Variants in COG4 observed in about 807,000 individuals in gnomAD.
COG4 encodes the protein conserved oligomeric Golgi complex subunit 4.
Under a neutral mutation model 95.1 loss-of-function variants are expected in COG4, and 65 were observed. The observed-to-expected ratio is 0.68, with a 90% CI of 0.56 to 0.84. The LOEUF (loss-of-function observed/expected upper bound fraction) is 0.84, where lower values mean the gene tolerates loss of function less well. Ranked by LOEUF, COG4 falls within the 40% of genes least tolerant of loss-of-function variation. COG4 has a pLI of 0.00. For synonymous variants in COG4, 421 were observed against 374.8 expected (o/e 1.12, Z -1.42); for missense variants, 1,045 against 989.1 (o/e 1.06, Z -0.76).
At chr16:70,510,114 C>CT (rs2049669111) in intron 5 of COG4, 93 bp from the exon 6 acceptor site, 46 of 1,041,688 alleles carry the variant, frequency 4.4e-5, no homozygotes, top group Non-Finnish European at 6.2e-5. Flanking sequence ...CATTGACTTT[C>CT]TTTTTTTTCA....
At chr16:70,485,933 T>C (rs1416024013) in intron 13 of COG4, among the ~76,000 whole-genome samples, 1 of 148,444 alleles carries the variant, frequency 6.7e-6, no homozygotes, top group Non-Finnish European at 1.5e-5. Flanking sequence ...TCTTGCTCTA[T>C]AACCCAGGCT....
At chr16:70,517,396 C>T (rs368132175) in intron 3 of COG4, among the ~76,000 whole-genome samples, 28 of 151,148 alleles carry the variant, frequency 1.9e-4, no homozygotes, top group African/African-American at 5.8e-4. Context: ...AGGACCAGCC[C>T]GGGGAACATG....
chr16:70,517,587 CAAAAA>C (rs746781437), intron 3 of COG4, 34 bp downstream of exon 3: 1,429 of 506,180 alleles, frequency 2.8e-3, no homozygotes, highest in East Asian at 4.9e-3. Flanking sequence ...GACCCTGTCT[CAAAAA>C]AAAAAAAAAA....
In COG4 at chr16:70,510,030, G is replaced by A. The variant is rs16970243; in HGVS notation, c.739-9C>T. On this transcript the variant is annotated splice_polypyrimidine_tract_variant and intron_variant, in intron 5 of 18. Coordinates refer to ENST00000323786, the MANE Select transcript of COG4 (RefSeq NM_015386.3). ...TCAGCTTTACTGGCCACCTAAAAAA[G>A]GAGAAAACCCACACACATTCCTCAG... 1.2e-6 allele frequency: 2 copies of A among 1,609,714 alleles called. No individual in the cohort carries two copies. Among genetic ancestry groups the A allele is most frequent in the Non-Finnish European group, 1.7e-6 (2 of 1,176,268 alleles).
rs6416698 is a variant in COG4, at chr16:70,481,697, T to G, written c.2106+67A>C. ...ACAGAGGGGATGCAAGTCCTGGGGG[T>G]GGTGGCATGACATGTCTTCCTCAGA... On this transcript the variant is annotated intron_variant, in intron 17 of 18. Coordinates refer to ENST00000323786, the MANE Select transcript of COG4 (RefSeq NM_015386.3). 842,354 of 1,393,252 alleles carry G rather than the reference T, an allele frequency of 0.6. 257,301 individuals carry two copies. Among genetic ancestry groups the G allele is most frequent in the African/African-American group, 0.76 (53,687 of 70,364 alleles). 86.3% of individuals were successfully genotyped at this position (1,393,252 alleles called of 1,614,324 possible). A position where few individuals can be genotyped will look rare whatever the true frequency, so the allele number is the denominator to read the frequency against.
At chr16:70,484,761 T>A (rs980757428) in intron 13 of COG4, among the ~76,000 whole-genome samples, 5 of 152,124 alleles carry the variant, frequency 3.3e-5, no homozygotes, top group African/African-American at 1.2e-4. Flanking sequence ...TAGCTGGATG[T>A]AGTGGTGCGC....
intron 8 of COG4, among the ~76,000 whole-genome samples, chr16:70,503,390 CAT>C (rs1278812370): frequency 6.6e-6 from 1 of 152,112 alleles, no homozygotes; most frequent in East Asian, 1.9e-4. Context: ...CTGGTCATAT[CAT>C]ATAGTTTCCA....
At chr16:70,512,179 T>C (rs2049720004) in intron 5 of COG4, 60 bp downstream of exon 5, 1 of 1,488,352 alleles carries the variant, frequency 6.7e-7, no homozygotes, top group Non-Finnish European at 9.4e-7. Context: ...ATCCATCCAG[T>C]GCCCCAATCT....
In COG4 at chr16:70,515,443, T is replaced by A. The variant is rs372789190; in HGVS notation, c.370-934A>T. Among the ~76,000 whole-genome samples the A allele has an allele frequency of 4.6e-5, 7 of 152,130 alleles. No individual in the cohort carries two copies. The East Asian group carries it at 1.4e-3, about 30-fold the overall frequency. On this transcript the variant is annotated intron_variant, in intron 3 of 18. Coordinates refer to ENST00000323786, the MANE Select transcript of COG4 (RefSeq NM_015386.3). ...GCTCACGCCTGTAATCCCAGCACTT[T>A]CGGAAGCCGAGGTGGGTGGATCACG...
In COG4 at chr16:70,496,368, G is replaced by A. The variant is rs770365416; in HGVS notation, c.1545C>T (p.Arg515=). The part of the protein sequence containing the change: ...FPATTFQDIQ[R]GVTSAVNIMH... ...TGATGTTCACGGCACTTGTCACCCC[G>A]CGCTGGATGTCCTGGAAGGTGGTGG... The change falls in exon 12 of 19, where the codon CGC becomes CGT. Residue 515 remains arginine (R), a synonymous_variant. Transcript: ENST00000323786. 2.8e-5 allele frequency: 45 copies of A among 1,614,008 alleles called. No homozygotes were observed. The highest frequency in any genetic ancestry group is 8.8e-5 in the South Asian group (8 of 91,086).
Position 70,509,252 on chromosome 16 carries a change from C to T in COG4, c.981G>A (p.Lys327=). 6.2e-7 allele frequency: 1 copy of T among 1,614,190 alleles called. No individual in the cohort carries two copies. The highest frequency in any genetic ancestry group is 2.2e-5 in the East Asian group (1 of 44,882). ...QVEKVVDKFI[K]QRDYHQQFRH... is the part of the protein sequence containing the mutation. ...TCACCTGCTGGTGGTAGTCCCTTTG[C>T]TTGATGAACTTGTCTACCACCTTCT... Residue 327 remains lysine (K), a synonymous_variant, in exon 7 of 19, where the codon AAG becomes AAA. Transcript: ENST00000323786.
At chr16:70,500,363 CTCT>C (rs1194372537) in intron 9 of COG4, among the ~76,000 whole-genome samples, 14 of 119,190 alleles carry the variant, frequency 1.2e-4, no homozygotes, top group Non-Finnish European at 7.6e-5. Context: ...ACATTATATA[CTCT>C]TTTTTTTTTT....
intron 18 of COG4, 42 bp downstream of exon 18, chr16:70,481,317 T>G: frequency 6.2e-7 from 1 of 1,609,756 alleles, no homozygotes; most frequent in East Asian, 2.2e-5. Context: ...TTTGCCTCTT[T>G]CAGTCACCCC....
chr16:70,520,884 A>G (rs1463205253), intron 1 of COG4, among the ~76,000 whole-genome samples: 1 of 152,198 alleles, frequency 6.6e-6, no homozygotes, highest in Admixed American at 6.5e-5. Context: ...CTGTTGAATG[A>G]GTCAAACAGG....
intron 17 of COG4, 67 bp downstream of exon 17, chr16:70,481,697 T>C (rs6416698): frequency 5.0e-6 from 7 of 1,395,922 alleles, no homozygotes; most frequent in Admixed American, 1.8e-5. Context: ...GTCCTGGGGG[T>C]GGTGGCATGA....
intron 12 of COG4, 80 bp from the exon 13 acceptor site, chr16:70,490,472 T>C: frequency 1.7e-6 from 2 of 1,168,854 alleles, no homozygotes; most frequent in Non-Finnish European, 2.6e-6. Context: ...GGCTGACAGC[T>C]GTGCTCCATG....
rs2049000775 is a variant in COG4 at position 70,481,811 on chromosome 16, C to A, written c.2059G>T (p.Val687Phe). Residue 687 changes from valine to phenylalanine, a missense_variant, in exon 17 of 19, where the codon GTT (valine) becomes TTT (phenylalanine). Coordinates refer to ENST00000323786, the MANE Select transcript of COG4 (RefSeq NM_015386.3). The stretch of plus-strand genomic sequence containing the variant: ...ACCACTTTCTCCAACTCGACGGCAA[C>A]AAGGCTAGTCATGAGGCCGGTTAGG... ...DSLTGLMTSL[V>F]AVELEKVVLK... The A allele has an allele frequency of 6.2e-7, 1 of 1,613,970 alleles. No homozygotes were observed. The highest frequency in any genetic ancestry group is 1.3e-5 in the African/African-American group (1 of 74,922).
intron 9 of COG4, 104 bp from the exon 10 acceptor site, chr16:70,498,159 G>A: frequency 1.3e-6 from 1 of 744,126 alleles, no homozygotes; most frequent in Non-Finnish European, 2.5e-6. Flanking sequence ...TTTGAAATAT[G>A]TACATATTTT....
chr16:70,502,173 T>G (rs1206087799), intron 8 of COG4, among the ~76,000 whole-genome samples: 1 of 147,492 alleles, frequency 6.8e-6, no homozygotes, highest in Non-Finnish European at 1.5e-5. Flanking sequence ...TCCCAGCTAC[T>G]CGGGAGGCCA....
Sources: allele counts gnomAD v4.1 joint callset (sites outside exome capture counted in the v4.1 genomes callset), GRCh38; gene constraint gnomAD v4.1.1; transcripts MANE v1.5; gene names NCBI Gene and HGNC (gene_info 2026-07-23, HGNC 2026-07-21).